The following TRERF1 variants were observed in gnomAD, a reference collection of about 807,000 sequenced individuals.
The protein encoded by TRERF1 is transcriptional-regulating factor 1.
Under a neutral mutation model 122.9 loss-of-function variants are expected in TRERF1, and 27 were observed. That is an observed-to-expected ratio of 0.22 (90% CI 0.16 to 0.30). TRERF1 has a LOEUF of 0.30. TRERF1 is among the 10% of genes least tolerant of loss of function. The pLI is 1.00. For missense variants in TRERF1, 1,248 were observed against 1,560.3 expected (o/e 0.80, Z 3.37); for synonymous variants, 636 against 641.7 (o/e 0.99, Z 0.13).
chr6:42,372,998 T>C (rs1167655978), intron 2 of TRERF1, among the ~76,000 whole-genome samples: 4 of 152,186 alleles, frequency 2.6e-5, no homozygotes, highest in African/African-American at 7.2e-5. Context: ...CAGCTCCACA[T>C]TTTTCCTCAG....
intron 2 of TRERF1, among the ~76,000 whole-genome samples, chr6:42,405,920 T>C (rs1055171045): frequency 6.6e-6 from 1 of 151,436 alleles, no homozygotes; most frequent in African/African-American, 2.4e-5. Flanking sequence ...AGGGAAAGTG[T>C]TACTGACCCA....
At chr6:42,240,870 G>A (rs1173501781) in intron 15 of TRERF1, among the ~76,000 whole-genome samples, 2 of 152,062 alleles carry the variant, frequency 1.3e-5, no homozygotes. Flanking sequence ...TGACTGAACT[G>A]GAGGAGAGCA....
intron 4 of TRERF1, among the ~76,000 whole-genome samples, chr6:42,297,438 A>G (rs1411095444): frequency 6.6e-6 from 1 of 152,196 alleles, no homozygotes; most frequent in African/African-American, 2.4e-5. Context: ...TCCCAATGAC[A>G]GCAGCACAGG....
rs1213762640 is a variant in TRERF1 at position 42,232,254 on chromosome 6, A to C, written c.3278+427T>G. Reference sequence around the variant, plus strand: ...CTGCCTTAGTCACAGAAGTAAGCGAAGGTGGTAGGATTACCCTGTATGAGC... The same window carrying C: ...CTGCCTTAGTCACAGAAGTAAGCGACGGTGGTAGGATTACCCTGTATGAGC... On this transcript the variant is annotated intron_variant, in intron 17 of 17. Transcript: ENST00000372922. The surrounding 1 kb of genome is among the most constrained non-coding windows in gnomAD (Gnocchi z 4.5). Among the ~76,000 whole-genome samples, 7 of 152,218 alleles carry C rather than the reference A, an allele frequency of 4.6e-5. No individual in the cohort carries two copies. Among genetic ancestry groups the C allele is most frequent in the African/African-American group, 1.2e-4 (5 of 41,448 alleles).
At chr6:42,377,691 T>C (rs541584254) in intron 2 of TRERF1, among the ~76,000 whole-genome samples, 1 of 152,282 alleles carries the variant, frequency 6.6e-6, no homozygotes, top group South Asian at 2.1e-4. Flanking sequence ...GTCCAAACCC[T>C]CCCTACCCAG....
chr6:42,235,919 G>A (rs1289886321), intron 16 of TRERF1, among the ~76,000 whole-genome samples: 9 of 152,334 alleles, frequency 5.9e-5, no homozygotes, highest in African/African-American at 1.9e-4. Flanking sequence ...AATGTGGAAT[G>A]TATGTTTTGG....
chr6:42,358,100 G>GCA (rs901819067), intron 3 of TRERF1, among the ~76,000 whole-genome samples: 2 of 152,060 alleles, frequency 1.3e-5, no homozygotes, highest in Admixed American at 6.5e-5. Context: ...GGTGGGGTTG[G>GCA]CACACACACC....
At chr6:42,319,031 C>A (rs1762957694) in intron 3 of TRERF1, among the ~76,000 whole-genome samples, 2 of 152,214 alleles carry the variant, frequency 1.3e-5, no homozygotes, top group East Asian at 3.9e-4. Context: ...GGTTAAGAAG[C>A]AGGTGAGCCT....
At chr6:42,332,250 A>G (rs1187802905) in intron 3 of TRERF1, among the ~76,000 whole-genome samples, 1 of 152,236 alleles carries the variant, frequency 6.6e-6, no homozygotes, top group Non-Finnish European at 1.5e-5. Flanking sequence ...GCGGGGAAAC[A>G]TTCTAAACCA....
At chr6:42,283,611 C>CTTTTT (rs869206003) in intron 4 of TRERF1, among the ~76,000 whole-genome samples, 10 of 107,984 alleles carry the variant, frequency 9.3e-5, no homozygotes, top group African/African-American at 1.4e-4. Context: ...ATGAAAAAAA[C>CTTTTT]TTTTTTTTTT....
At chr6:42,385,361 G>C (rs1301872742) in intron 2 of TRERF1, among the ~76,000 whole-genome samples, 1 of 152,132 alleles carries the variant, frequency 6.6e-6, no homozygotes, top group Non-Finnish European at 1.5e-5. Flanking sequence ...TCTTAACAGG[G>C]TTTTGAAAAT....
chr6:42,430,726 G>A (rs147905235), intron 2 of TRERF1, among the ~76,000 whole-genome samples: 2,541 of 152,094 alleles, frequency 0.017, 70 homozygotes, highest in African/African-American at 0.057. Context: ...GTGAAACCCC[G>A]TCTCTACTAA....
intron 4 of TRERF1, among the ~76,000 whole-genome samples, chr6:42,299,208 AT>A (rs1450986704): frequency 6.7e-6 from 1 of 148,260 alleles, no homozygotes; most frequent in African/African-American, 2.6e-5. Flanking sequence ...TTTTCTATCT[AT>A]CTATCTATCT....
intron 2 of TRERF1, among the ~76,000 whole-genome samples, chr6:42,430,520 C>T (rs534143696): frequency 6.6e-6 from 1 of 151,640 alleles, no homozygotes; most frequent in South Asian, 2.1e-4. Flanking sequence ...GAGGCCAAGA[C>T]GGGTGGATCA....
At chr6:42,234,244 T>C (rs1328275389) in intron 16 of TRERF1, among the ~76,000 whole-genome samples, 1 of 152,206 alleles carries the variant, frequency 6.6e-6, no homozygotes, top group Non-Finnish European at 1.5e-5. Context: ...TCCAGCTTGT[T>C]AAACTCATCA....
exon 18 of TRERF1, chr6:42,227,959 C>T (rs1391614774): frequency 6.0e-6 from 1 of 167,820 alleles, no homozygotes; most frequent in Non-Finnish European, 1.3e-5. Context: ...GACCCCAGTA[C>T]TAAGAGGGTC....
chr6:42,269,236 C>T lies in TRERF1; in HGVS notation c.355G>A (p.Gly119Ser). 16 of 1,614,212 alleles carry T rather than the reference C, an allele frequency of 9.9e-6. No individual in the cohort carries two copies. The highest frequency in any genetic ancestry group is 1.3e-5 in the Non-Finnish European group (15 of 1,180,028). The stretch of plus-strand genomic sequence containing the variant: ...GCCTGGGAGTAGGTGTATTGGTAGC[C>T]ATCAGTGGGCTCAGCCTGGGCTGGT... The change falls in exon 5 of 18, where the codon GGC becomes AGC. Residue 119 changes from glycine (G) to serine (S), a missense_variant. Transcript: ENST00000372922. The surrounding 1 kb of genome is among the most constrained non-coding windows in gnomAD (Gnocchi z 4.9).
chr6:42,425,219 T>C (rs1424559781), intron 2 of TRERF1, among the ~76,000 whole-genome samples: 5 of 152,200 alleles, frequency 3.3e-5, no homozygotes, highest in Admixed American at 1.3e-4. Flanking sequence ...ACAACTGCTC[T>C]TGTGAATTGC....
intron 4 of TRERF1, among the ~76,000 whole-genome samples, chr6:42,273,268 G>A (rs1321403565): frequency 6.6e-6 from 1 of 152,022 alleles, no homozygotes; most frequent in Non-Finnish European, 1.5e-5. Context: ...TATTAGAGCA[G>A]GAATCAGGTC....
Sources: allele counts gnomAD v4.1 joint callset (sites outside exome capture counted in the v4.1 genomes callset), GRCh38; gene constraint gnomAD v4.1.1; non-coding constraint Gnocchi (gnomAD v3.1); transcripts MANE v1.5; gene names NCBI Gene and HGNC (gene_info 2026-07-23, HGNC 2026-07-21).